The following FRMD4A variants were observed in gnomAD, a reference collection of about 807,000 sequenced individuals.
FRMD4A encodes FERM domain containing 4A.
FRMD4A carries 29 observed loss-of-function variants against 129.1 expected under a neutral mutation model. That is an observed-to-expected ratio of 0.22 (90% confidence interval 0.17 to 0.31). FRMD4A has a LOEUF of 0.31. Among genes scored for constraint, FRMD4A ranks in the 10% least tolerant of loss-of-function variants. FRMD4A has a pLI of 1.00. For missense variants in FRMD4A, 1,272 were observed against 1,375.8 expected, an observed-to-expected ratio of 0.92 and a Z score of 1.19; for synonymous variants, 634 against 571.6, an observed-to-expected ratio of 1.11 and a Z score of -1.56.
chr10:13,881,740 T>C (rs2094548283), intron 2 of FRMD4A, among the ~76,000 whole-genome samples: 2 of 151,932 alleles, frequency 1.3e-5, no homozygotes, highest in African/African-American at 4.8e-5. Context: ...GTGGGAGGCA[T>C]GTGAACAGGT....
At chr10:13,680,573 A>C (rs988196135) in intron 15 of FRMD4A, among the ~76,000 whole-genome samples, 1 of 152,086 alleles carries the variant, frequency 6.6e-6, no homozygotes, top group African/African-American at 2.4e-5. Flanking sequence ...TAAAAATACA[A>C]AAATCAGCTG....
Position 14,001,720 on chromosome 10 carries a change from C to T in FRMD4A, c.46-142808G>A, listed in dbSNP as rs115875996. Among the ~76,000 whole-genome samples the T allele has an allele frequency of 4.1e-3, 625 of 152,208 alleles. 5 individuals are homozygous for T. Among genetic ancestry groups the T allele is most frequent in the African/African-American group, 0.014 (596 of 41,516 alleles). On this transcript the variant is annotated intron_variant, in intron 2 of 24. Transcript: ENST00000357447. The stretch of plus-strand genomic sequence containing the variant: ...TTCTATGAACCAGAGAATTGGAGTC[C>T]CCAGTAGTCTGTGTTCTTTTTCTCC...
chr10:14,176,319 T>C (rs757276591), intron 2 of FRMD4A, among the ~76,000 whole-genome samples: 1 of 152,182 alleles, frequency 6.6e-6, no homozygotes, highest in Non-Finnish European at 1.5e-5. Context: ...CTCTGTGGGA[T>C]TGCAAACCTT....
At chr10:14,143,734 C>G (rs896976057) in intron 2 of FRMD4A, among the ~76,000 whole-genome samples, 7 of 152,090 alleles carry the variant, frequency 4.6e-5, no homozygotes, top group African/African-American at 1.7e-4. Context: ...CCTGCCTCAG[C>G]CTCCCCAGTA....
chr10:14,317,434 C>T (rs1251765391), intron 2 of FRMD4A, among the ~76,000 whole-genome samples: 1 of 152,192 alleles, frequency 6.6e-6, no homozygotes, highest in Admixed American at 6.5e-5. Flanking sequence ...CTTTAGAAGT[C>T]TCTGCACGGT....
chr10:14,192,767 T>G (rs1842356007), intron 2 of FRMD4A, among the ~76,000 whole-genome samples: 1 of 152,220 alleles, frequency 6.6e-6, no homozygotes, highest in Non-Finnish European at 1.5e-5. Flanking sequence ...CCCCTCTAGG[T>G]TACTGAATTC....
chr10:13,679,486 C>T lies in FRMD4A; in HGVS notation c.1118-4442G>A, dbSNP rs1214177823. On this transcript the variant is annotated intron_variant, in intron 15 of 24. Coordinates refer to ENST00000357447, the MANE Select transcript of FRMD4A (RefSeq NM_018027.5). ...ATATATATATATATACACACACACA[C>T]ACACACACACACACACACACACACA... 2.9e-4 allele frequency among the ~76,000 whole-genome samples: 34 copies of T among 116,578 alleles called. 1 individual carries two copies. In the South Asian group the frequency reaches 5.3e-3, roughly 18 times the overall value. The allele number at this position is 116,578 out of a possible 152,430, so 76.5% of individuals were successfully genotyped here. A position where few individuals can be genotyped will look rare whatever the true frequency, so the allele number is the denominator to read the frequency against.
intron 12 of FRMD4A, among the ~76,000 whole-genome samples, chr10:13,722,227 CTTTTTTTTT>C (rs1204085901): frequency 7.9e-6 from 1 of 126,816 alleles, no homozygotes; most frequent in African/African-American, 2.9e-5. Context: ...GGCCAGGGCT[CTTTTTTTTT>C]TTTTTTTTTT....
chr10:13,952,852 C>T (rs1269913424), intron 2 of FRMD4A, among the ~76,000 whole-genome samples: 2 of 151,904 alleles, frequency 1.3e-5, no homozygotes, highest in South Asian at 2.1e-4. Context: ...ACCACCATGT[C>T]GGCTAATTTT....
chr10:14,061,049 A>T (rs1834785733), intron 2 of FRMD4A, among the ~76,000 whole-genome samples: 2 of 152,148 alleles, frequency 1.3e-5, no homozygotes, highest in Non-Finnish European at 2.9e-5. Flanking sequence ...AGGGCAGAGG[A>T]TATAATCAAG....
At chr10:14,017,145 TG>T (rs1256396501) in intron 2 of FRMD4A, among the ~76,000 whole-genome samples, 1 of 152,204 alleles carries the variant, frequency 6.6e-6, no homozygotes, top group Non-Finnish European at 1.5e-5. Flanking sequence ...GCTTATTGTG[TG>T]TGCTATTAGG....
In FRMD4A at chr10:13,792,729, C is replaced by A. The variant is rs142691791; in HGVS notation, c.299+3767G>T. On this transcript the variant is annotated intron_variant, in intron 5 of 24. Transcript: ENST00000357447. ...GGTAATTATTAAGACCCTGAAGCCA[C>A]CTGGGATCATTCCTGGTGATTTGCT... is the stretch of plus-strand genomic sequence containing the variant. Among the ~76,000 whole-genome samples, 508 of 152,276 alleles carry A rather than the reference C, an allele frequency of 3.3e-3. 4 individuals are homozygous for A. Among genetic ancestry groups the A allele is most frequent in the Middle Eastern group, 0.017 (5 of 294 alleles).
chr10:13,928,553 C>T (rs898336028), intron 2 of FRMD4A, among the ~76,000 whole-genome samples: 5 of 152,134 alleles, frequency 3.3e-5, no homozygotes, highest in Non-Finnish European at 5.9e-5. Flanking sequence ...AGAAGACTAG[C>T]AGTTGGTTTT....
intron 2 of FRMD4A, among the ~76,000 whole-genome samples, chr10:14,078,548 T>C (rs1160927856): frequency 6.6e-6 from 1 of 152,228 alleles, no homozygotes; most frequent in East Asian, 1.9e-4. Flanking sequence ...AACAGTAAGT[T>C]ACTGAGCACC....
rs559134250 is a variant in FRMD4A, at chr10:14,070,723, T to TAA, written c.46-211813_46-211812dup. On this transcript the variant is annotated intron_variant, in intron 2 of 24. Transcript: ENST00000357447. ...AGATGTTTATTTAACATCTTTCTAT[T>TAA]AAGTGCTGGTTGTGTGCTAGACATC... Among the ~76,000 whole-genome samples the TAA allele has an allele frequency of 7.7e-4, 118 of 152,326 alleles. 1 individual carries two copies. Among genetic ancestry groups the TAA allele is most frequent in the Middle Eastern group, 6.8e-3 (2 of 294 alleles).
At chr10:14,201,150 C>T (rs937220727) in intron 2 of FRMD4A, among the ~76,000 whole-genome samples, 1 of 152,196 alleles carries the variant, frequency 6.6e-6, no homozygotes, top group Non-Finnish European at 1.5e-5. Flanking sequence ...GCCCTGACCC[C>T]AGAGGTCTGA....
intron 2 of FRMD4A, among the ~76,000 whole-genome samples, chr10:14,177,893 C>A (rs561780051): frequency 6.6e-6 from 1 of 152,138 alleles, no homozygotes; most frequent in African/African-American, 2.4e-5. Context: ...AGGTCCTTGA[C>A]GAAACCTCTG....
At chr10:13,689,548 TC>T (rs1358472855) in intron 15 of FRMD4A, among the ~76,000 whole-genome samples, 5 of 133,258 alleles carry the variant, frequency 3.8e-5, no homozygotes, top group East Asian at 2.0e-4. Context: ...ATTAGAAGAT[TC>T]TTTTTTTTTT....
chr10:14,163,155 C>G (rs1275986500), intron 2 of FRMD4A, among the ~76,000 whole-genome samples: 2 of 152,138 alleles, frequency 1.3e-5, no homozygotes, highest in East Asian at 3.8e-4. Flanking sequence ...AGACTTTAAT[C>G]TTTGTTGAGT....
Sources: gnomAD v4.1 joint callset for allele counts (sites outside exome capture counted in the v4.1 genomes callset) on GRCh38, gnomAD v4.1.1 for gene constraint, MANE v1.5 for transcripts, NCBI Gene and HGNC (gene_info 2026-07-23, HGNC 2026-07-21) for gene names.